The following CENPP variants were observed in gnomAD, a reference collection of about 807,000 sequenced individuals.
CENPP encodes the protein centromere protein P.
A neutral mutation model predicts 35.6 loss-of-function variants in CENPP; 24 were observed. The ratio of observed to expected loss-of-function variants is 0.67; its 90% CI spans 0.49 to 0.95. CENPP has a LOEUF of 0.95. Ranked by LOEUF, CENPP falls within the 40% of genes least tolerant of loss-of-function variation. The pLI is 0.00. For synonymous variants in CENPP, 120 were observed against 125.5 expected (o/e 0.96, Z 0.29); for missense variants, 332 against 345.3 (o/e 0.96, Z 0.31).
intron 5 of CENPP, among the ~76,000 whole-genome samples, chr9:92,505,086 T>C (rs1220630268): frequency 6.6e-6 from 1 of 152,236 alleles, no homozygotes; most frequent in African/African-American, 2.4e-5. Context: ...ACAACACTTG[T>C]ATCCATGCAA....
rs757607579 is a variant in CENPP, at chr9:92,612,575, T to C, written c.697T>C (p.Phe233Leu). The C allele has an allele frequency of 6.2e-7, 1 of 1,614,168 alleles. No individual in the cohort carries two copies. Among genetic ancestry groups the C allele is most frequent in the South Asian group, 1.1e-5 (1 of 91,074 alleles). The change falls in exon 7 of 8, where the codon TTT becomes CTT. Residue 233 changes from phenylalanine to leucine, a missense_variant. Physicochemically the swap from Phe to Leu is conservative, Grantham distance 22 (BLOSUM62 0). Coordinates refer to ENST00000375587, the MANE Select transcript of CENPP (RefSeq NM_001012267.3). Reference sequence around the variant, plus strand: ...ACAAATAGATGAAGATGGGAAGGTTTTTCCAAAGCTGGATCTTCTCACCAA... The same window carrying C: ...ACAAATAGATGAAGATGGGAAGGTTCTTCCAAAGCTGGATCTTCTCACCAA... The part of the protein sequence containing the change: ...RIQIDEDGKV[F>L]PKLDLLTKVP...
rs67070835 is a variant in CENPP, at chr9:92,352,510, C to CATATATATATATATATATATATATATAT, written c.467+6725_467+6752dup. ...GTGTGTGTGTGTGTGTGTGTGTATA[C>CATATATATATATATATATATATATATAT]ATATATATATATATATATATATATA... On this transcript the variant is annotated intron_variant, in intron 4 of 7. Transcript: ENST00000375587. 7.7e-4 allele frequency among the ~76,000 whole-genome samples: 39 copies of CATATATATATATATATATATATATATAT among 50,400 alleles called. 3 individuals carry two copies. Among genetic ancestry groups the CATATATATATATATATATATATATATAT allele is most frequent in the South Asian group, 2.5e-3 (4 of 1,626 alleles). 33.1% of individuals were successfully genotyped at this position (50,400 alleles called of 152,430 possible).
intron 5 of CENPP, among the ~76,000 whole-genome samples, chr9:92,567,379 T>TATATATATATATATATATATATATATAG (rs1564005517): frequency 1.1e-5 from 1 of 90,456 alleles, no homozygotes; most frequent in African/African-American, 5.7e-5. Flanking sequence ...GATAGATATA[T>TATATATATATATATATATATATATATAG]ATATATATAT....
intron 2 of CENPP, among the ~76,000 whole-genome samples, chr9:92,335,302 TAAAG>T (rs1840891629): frequency 6.6e-6 from 1 of 152,158 alleles, no homozygotes; most frequent in South Asian, 2.1e-4. Flanking sequence ...AGCCTGGACA[TAAAG>T]AAAAAATAAA....
At chr9:92,610,942 G>A (rs62574668) in intron 5 of CENPP, 4,362 of 258,742 alleles carry the variant, frequency 0.017, 57 homozygotes, top group Non-Finnish European at 0.023. Context: ...TGACGCATCC[G>A]CTTGGGGAAT....
intron 5 of CENPP, among the ~76,000 whole-genome samples, chr9:92,578,262 G>A (rs958507352): frequency 2.4e-4 from 37 of 152,102 alleles, no homozygotes; most frequent in African/African-American, 8.2e-4. Context: ...GTAAACATAC[G>A]TGTGCATGTG....
intron 5 of CENPP, among the ~76,000 whole-genome samples, chr9:92,522,246 C>A (rs755130813): frequency 4.6e-5 from 7 of 151,942 alleles, no homozygotes; most frequent in Admixed American, 1.3e-4. Context: ...GCCACCACAC[C>A]CGGCTAATTT....
At chr9:92,416,524 G>T in intron 5 of CENPP, 2 of 777,798 alleles carry the variant, frequency 2.6e-6, no homozygotes, top group Non-Finnish European at 3.9e-6. Flanking sequence ...ACTATTTTCA[G>T]CAATGTCTAA....
At chr9:92,338,472 A>G (rs1244786318) in intron 3 of CENPP, among the ~76,000 whole-genome samples, 1 of 152,176 alleles carries the variant, frequency 6.6e-6, no homozygotes, top group African/African-American at 2.4e-5. Context: ...TTTATACTTT[A>G]AATCATTTCT....
intron 5 of CENPP, among the ~76,000 whole-genome samples, chr9:92,549,869 G>A (rs898815173): frequency 1.4e-4 from 21 of 152,118 alleles, no homozygotes; most frequent in African/African-American, 4.8e-4. Context: ...CAGGAGCCAG[G>A]CTTAGTAATA....
intron 5 of CENPP, chr9:92,470,906 A>G (rs1845488099): frequency 4.8e-6 from 3 of 619,992 alleles, no homozygotes; most frequent in Non-Finnish European, 8.2e-6. Flanking sequence ...CTTAACAGTC[A>G]TAACAGATGA....
At chr9:92,534,988 G>A (rs945709448) in intron 5 of CENPP, among the ~76,000 whole-genome samples, 37 of 152,252 alleles carry the variant, frequency 2.4e-4, no homozygotes, top group African/African-American at 8.7e-4. Context: ...ACTCACTTAT[G>A]GGGCATTGCC....
chr9:92,427,919 G>C (rs1443680871), intron 5 of CENPP, among the ~76,000 whole-genome samples: 1 of 152,218 alleles, frequency 6.6e-6, no homozygotes, highest in Non-Finnish European at 1.5e-5. Flanking sequence ...AGTGATCTAG[G>C]AGGAGGGAGT....
intron 4 of CENPP, among the ~76,000 whole-genome samples, chr9:92,356,760 T>C (rs746538888): frequency 6.6e-6 from 1 of 152,214 alleles, no homozygotes; most frequent in African/African-American, 2.4e-5. Context: ...ACAATTTATG[T>C]TCAGAGATTA....
At chr9:92,489,831 C>T (rs543821614) in intron 5 of CENPP, among the ~76,000 whole-genome samples, 2 of 152,300 alleles carry the variant, frequency 1.3e-5, no homozygotes, top group African/African-American at 4.8e-5. Context: ...AGGAGAGCCA[C>T]GCTGTTGCCA....
intron 3 of CENPP, among the ~76,000 whole-genome samples, chr9:92,338,997 T>A (rs1303757828): frequency 6.6e-6 from 1 of 152,176 alleles, no homozygotes; most frequent in Non-Finnish European, 1.5e-5. Flanking sequence ...CTTCAAAGGC[T>A]GACTCCAAGA....
At chr9:92,550,010 T>G (rs748961880) in intron 5 of CENPP, among the ~76,000 whole-genome samples, 39 of 152,198 alleles carry the variant, frequency 2.6e-4, no homozygotes, top group Non-Finnish European at 4.6e-4. Flanking sequence ...AAACAGACAC[T>G]GAATCTCTGT....
intron 5 of CENPP, among the ~76,000 whole-genome samples, chr9:92,442,424 C>A (rs200863644): frequency 2.1e-3 from 281 of 135,020 alleles, no homozygotes; most frequent in Middle Eastern, 7.8e-3. Context: ...AAAGAAAAAA[C>A]AAAAAAAAAC....
At chr9:92,410,029 TG>T (rs1843403887) in intron 5 of CENPP, among the ~76,000 whole-genome samples, 1 of 152,056 alleles carries the variant, frequency 6.6e-6, no homozygotes, top group African/African-American at 2.4e-5. Context: ...CTCTGCCTCC[TG>T]GGTTCAAGCA....
Sources: allele counts gnomAD v4.1 joint callset (sites outside exome capture counted in the v4.1 genomes callset), GRCh38; gene constraint gnomAD v4.1.1; transcripts MANE v1.5; gene names NCBI Gene and HGNC (gene_info 2026-07-23, HGNC 2026-07-21).